Variants in SLCO3A1 observed in about 807,000 individuals in gnomAD.
SLCO3A1 encodes the protein PGE1 transporter.
A neutral mutation model predicts 63.1 loss-of-function variants in SLCO3A1; 27 were observed. That is an observed-to-expected ratio of 0.43 (90% confidence interval 0.32 to 0.59). SLCO3A1 has a LOEUF of 0.59. Ranked by LOEUF, SLCO3A1 falls within the 20% of genes least tolerant of loss-of-function variation. The pLI, the probability that SLCO3A1 is intolerant of heterozygous loss-of-function variation, is 0.09. For synonymous variants in SLCO3A1, 473 were observed against 409.9 expected (o/e 1.15, Z -1.86); for missense variants, 773 against 945.8 (o/e 0.82, Z 2.40).
chr15:91,913,523 C>G (rs192819334), intron 1 of SLCO3A1, among the ~76,000 whole-genome samples: 118 of 152,354 alleles, frequency 7.7e-4, no homozygotes, highest in Middle Eastern at 3.4e-3. Context: ...TTGAGAACCA[C>G]TAGGCTCAAG....
In SLCO3A1 at chr15:91,916,427, C is replaced by T. The variant is rs987457148; in HGVS notation, c.615C>T (p.His205=). The T allele has an allele frequency of 3.1e-6, 5 of 1,612,190 alleles. No homozygotes were observed. The highest frequency in any genetic ancestry group is 4.2e-6 in the Non-Finnish European group (5 of 1,179,440). Reference sequence around the variant, plus strand: ...TGGGCGTCTCCTACATCGACGACCACGTGCGGAGGAAGGACTCCTCGCTCT... The same window carrying T: ...TGGGCGTCTCCTACATCGACGACCATGTGCGGAGGAAGGACTCCTCGCTCT... ...QPLGVSYIDD[H]VRRKDSSLYI... is the part of the protein sequence containing the mutation. Residue 205 remains histidine (H), a synonymous_variant, in exon 2 of 10, where the codon CAC becomes CAT. Coordinates refer to ENST00000318445, the MANE Select transcript of SLCO3A1 (RefSeq NM_013272.4). The surrounding 1 kb of genome is among the most constrained non-coding windows in gnomAD (Gnocchi z 6.2).
chr15:92,091,168 C>T (rs1245206831), intron 2 of SLCO3A1, among the ~76,000 whole-genome samples: 1 of 152,182 alleles, frequency 6.6e-6, no homozygotes, highest in Non-Finnish European at 1.5e-5. Flanking sequence ...TAAACTTCCC[C>T]CTGGGGTCAT....
At chr15:91,965,126 G>T in intron 2 of SLCO3A1, among the ~76,000 whole-genome samples, 1 of 152,262 alleles carries the variant, frequency 6.6e-6, no homozygotes, top group South Asian at 2.1e-4. Flanking sequence ...TTTAGAATCT[G>T]TTGGGAAGGG....
intron 2 of SLCO3A1, among the ~76,000 whole-genome samples, chr15:92,048,925 C>T (rs931579262): frequency 2.0e-5 from 3 of 152,202 alleles, no homozygotes; most frequent in African/African-American, 7.2e-5. Context: ...CAGGTTCTTT[C>T]ACCAATGGTG....
intron 2 of SLCO3A1, among the ~76,000 whole-genome samples, chr15:92,023,256 C>G (rs1186213469): frequency 2.0e-5 from 3 of 152,204 alleles, no homozygotes; most frequent in African/African-American, 7.2e-5. Context: ...ATCCACCTTT[C>G]TTTACAGAAC....
chr15:92,150,788 A>G (rs866847929), intron 8 of SLCO3A1, among the ~76,000 whole-genome samples, 162 bp from the exon 9 acceptor site: 1 of 151,948 alleles, frequency 6.6e-6, no homozygotes, highest in South Asian at 2.1e-4. Flanking sequence ...GACTTTAGGC[A>G]GAAAAAAAAA....
chr15:91,890,410 G>A (rs892055709), intron 1 of SLCO3A1, among the ~76,000 whole-genome samples: 6 of 152,196 alleles, frequency 3.9e-5, no homozygotes, highest in Middle Eastern at 6.8e-3. Context: ...GGGTCTTCCT[G>A]AGCCTTTCCT....
downstream of SLCO3A1, among the ~76,000 whole-genome samples, chr15:92,167,743 C>T (rs370210343): frequency 6.6e-6 from 1 of 152,196 alleles, no homozygotes; most frequent in Non-Finnish European, 1.5e-5. Flanking sequence ...TGCATGCAGC[C>T]ACCCACGCCT....
chr15:92,150,501 C>A (rs1486126842), intron 8 of SLCO3A1, among the ~76,000 whole-genome samples: 1 of 152,142 alleles, frequency 6.6e-6, no homozygotes, highest in Non-Finnish European at 1.5e-5. Flanking sequence ...TGGTGGATTT[C>A]ACAAAATGAC....
rs117317058 is a variant in SLCO3A1, at chr15:91,918,965, A to T, written c.646+2507A>T. ...GGTCATATGCCTAAATCGTGACACT[A>T]TAGTGGAGATTGAAAGGATTCTAAA... On this transcript the variant is annotated intron_variant, in intron 2 of 9. Transcript: ENST00000318445. 1.8e-3 allele frequency among the ~76,000 whole-genome samples: 276 copies of T among 152,312 alleles called. 1 individual carries two copies. The highest frequency in any genetic ancestry group is 5.2e-3 in the South Asian group (25 of 4,822).
intron 1 of SLCO3A1, among the ~76,000 whole-genome samples, chr15:91,893,317 T>G (rs1174489794): frequency 1.3e-5 from 2 of 152,228 alleles, no homozygotes; most frequent in Non-Finnish European, 2.9e-5. Flanking sequence ...GTGTCATAGT[T>G]GGTTTGGACT....
intron 2 of SLCO3A1, among the ~76,000 whole-genome samples, chr15:91,939,677 C>T (rs932905014): frequency 6.6e-6 from 1 of 152,142 alleles, no homozygotes; most frequent in African/African-American, 2.4e-5. Context: ...CTTCCCTCCT[C>T]CTCTGCAGCA....
intron 2 of SLCO3A1, among the ~76,000 whole-genome samples, chr15:92,061,101 G>A (rs914881877): frequency 1.3e-5 from 2 of 152,170 alleles, no homozygotes; most frequent in African/African-American, 2.4e-5. Flanking sequence ...ATACGTGTTC[G>A]GTGAGTAAGT....
chr15:92,086,064 A>G (rs1266605000), intron 2 of SLCO3A1, among the ~76,000 whole-genome samples: 1 of 152,186 alleles, frequency 6.6e-6, no homozygotes, highest in African/African-American at 2.4e-5. Context: ...CAGTTGGGAA[A>G]TCTTACAAAC....
At chr15:91,974,485 G>T (rs191756230) in intron 2 of SLCO3A1, among the ~76,000 whole-genome samples, 43 of 152,138 alleles carry the variant, frequency 2.8e-4, no homozygotes, top group African/African-American at 9.9e-4. Flanking sequence ...AAGGTTTCTG[G>T]GTGAGTCACT....
At chr15:91,965,706 G>T (rs1265891548) in intron 2 of SLCO3A1, among the ~76,000 whole-genome samples, 1 of 150,464 alleles carries the variant, frequency 6.6e-6, no homozygotes, top group African/African-American at 2.5e-5. Context: ...CACTTGAATT[G>T]TGGGCAGCCA....
rs1221857168 is a variant in SLCO3A1, at chr15:91,886,494, C to T, written c.181-29499C>T. Reference sequence around the variant, plus strand: ...TCCATGCCTAGAAGGCCCCAGTGAGCATTGACTTGGACCTGGTGATTTTCC... The same window carrying T: ...TCCATGCCTAGAAGGCCCCAGTGAGTATTGACTTGGACCTGGTGATTTTCC... On this transcript the variant is annotated intron_variant, in intron 1 of 9. Coordinates refer to ENST00000318445, the MANE Select transcript of SLCO3A1 (RefSeq NM_013272.4). The surrounding 1 kb of genome is among the most constrained non-coding windows in gnomAD (Gnocchi z 4.9). Among the ~76,000 whole-genome samples, 3 of 152,202 alleles carry T rather than the reference C, an allele frequency of 2.0e-5. No homozygotes were observed. The highest frequency in any genetic ancestry group is 7.2e-5 in the African/African-American group (3 of 41,464).
Position 91,854,202 on chromosome 15 carries a change from G to A in SLCO3A1, c.180+114G>A. 8.6e-7 allele frequency: 1 copy of A among 1,158,300 alleles called. No homozygotes were observed. The highest frequency in any genetic ancestry group is 1.1e-6 in the Non-Finnish European group (1 of 905,048). The allele number at this position is 1,158,300 out of a possible 1,614,324, so 71.8% of individuals were successfully genotyped here. A position where few individuals can be genotyped will look rare whatever the true frequency, so the allele number is the denominator to read the frequency against. ...CTGGGGGCAGGCGGGCATGACCTCGGCCCGGCGTGGAGGTTGGCGAGTGGT... is the reference window on the plus strand; with the variant it reads ...CTGGGGGCAGGCGGGCATGACCTCGACCCGGCGTGGAGGTTGGCGAGTGGT... On this transcript the variant is annotated intron_variant, in intron 1 of 9. Coordinates refer to ENST00000318445, the MANE Select transcript of SLCO3A1 (RefSeq NM_013272.4). This position sits in a 1 kb window ranked among gnomAD's most constrained non-coding sequence, Gnocchi z 6.4.
rs1567162722 is a variant in SLCO3A1, at chr15:91,866,574, T to TA, written c.180+12486_180+12487insA. Reference sequence around the variant, plus strand: ...AATTTCTCTGCACAGGCTCCTTTTTTTAAAAAAAAAAAAAAAAGAAAAAAA... The same window carrying TA: ...AATTTCTCTGCACAGGCTCCTTTTTTATAAAAAAAAAAAAAAAAGAAAAAAA... On this transcript the variant is annotated intron_variant, in intron 1 of 9. Coordinates refer to ENST00000318445, the MANE Select transcript of SLCO3A1 (RefSeq NM_013272.4). Among the ~76,000 whole-genome samples, 504 of 144,680 alleles carry TA rather than the reference T, an allele frequency of 3.5e-3. 6 individuals carry two copies. Among genetic ancestry groups the TA allele is most frequent in the African/African-American group, 0.011 (429 of 38,020 alleles). 94.9% of individuals were successfully genotyped at this position (144,680 alleles called of 152,430 possible).
Sources: gnomAD v4.1 joint callset for allele counts (sites outside exome capture counted in the v4.1 genomes callset) on GRCh38, gnomAD v4.1.1 for gene constraint, Gnocchi (gnomAD v3.1) non-coding constraint, MANE v1.5 for transcripts, NCBI Gene and HGNC (gene_info 2026-07-23, HGNC 2026-07-21) for gene names.